Variants in TENM1 observed in about 807,000 individuals in gnomAD.
The protein encoded by TENM1 is teneurin transmembrane protein 1.
Under a neutral mutation model 174.8 loss-of-function variants are expected in TENM1, and 35 were observed. The ratio of observed to expected loss-of-function variants is 0.20; its 90% confidence interval spans 0.15 to 0.27. The LOEUF is 0.27. Ranked by LOEUF, TENM1 falls within the 10% of genes least tolerant of loss-of-function variation. TENM1 has a pLI of 1.00. For synonymous variants in TENM1, 781 were observed against 798.7 expected, an observed-to-expected ratio of 0.98 and a Z score of 0.37; for missense variants, 1,633 against 2,130.1, an observed-to-expected ratio of 0.77 and a Z score of 4.59.
intron 1 of TENM1, among the ~76,000 whole-genome samples, chrX:124,922,414 C>T (rs1283436174): frequency 4.5e-5 from 5 of 111,082 alleles, no homozygotes; most frequent in African/African-American, 1.6e-4. Flanking sequence ...TTTTCGCAGA[C>T]CAGCTTTTGG....
chrX:124,947,006 A>G (rs2058412975), intron 1 of TENM1, among the ~76,000 whole-genome samples: 1 of 111,034 alleles, frequency 9.0e-6, no homozygotes, highest in Non-Finnish European at 1.9e-5. Flanking sequence ...CTTGGAGTAA[A>G]TTGGTTATCA....
chrX:124,919,674 G>C (rs182841178), intron 1 of TENM1, among the ~76,000 whole-genome samples: 24 of 111,308 alleles, frequency 2.2e-4, no homozygotes, highest in South Asian at 3.8e-4. Flanking sequence ...TATTTCTTAA[G>C]CTACATGGTG....
chrX:125,081,789 A>G, the TENM1 span, among the ~76,000 whole-genome samples: 605 of 111,582 alleles, frequency 5.4e-3, 2 homozygotes, highest in African/African-American at 0.018. Context: ...TGGTACATAC[A>G]CACTACGGAA....
chrX:124,513,683 T>G (rs1344859256), intron 18 of TENM1, among the ~76,000 whole-genome samples: 3 of 112,299 alleles, frequency 2.7e-5, no homozygotes, highest in Non-Finnish European at 5.6e-5. Context: ...GGAGTACAAA[T>G]AGACATTTCC....
chrX:124,772,211 C>T (rs1023178768), intron 3 of TENM1, among the ~76,000 whole-genome samples: 15 of 111,019 alleles, frequency 1.4e-4, no homozygotes, highest in East Asian at 2.8e-4. Context: ...TCTCAGCTCA[C>T]TGCAACCTCT....
chrX:124,710,869 GAAAGTCAA>G (rs2053032714), intron 4 of TENM1, among the ~76,000 whole-genome samples: 1 of 112,118 alleles, frequency 8.9e-6, no homozygotes, highest in African/African-American at 3.2e-5. Flanking sequence ...TCCATTGTTG[GAAAGTCAA>G]ACTAGTGCCT....
chrX:124,481,887 C>A (rs1386948524), exon 22 of TENM1: 1 of 1,205,799 alleles, frequency 8.3e-7, no homozygotes, highest in Admixed American at 2.2e-5. Context: ...GTAGACTTTG[C>A]GAGTATTGGT....
intron 11 of TENM1, among the ~76,000 whole-genome samples, chrX:124,568,122 G>A (rs918166681): frequency 2.9e-4 from 33 of 111,887 alleles, no homozygotes; most frequent in African/African-American, 1.0e-3. Context: ...TAAATTGCAT[G>A]TCTTGGCTCA....
At chrX:125,122,445 C>G in the TENM1 span, among the ~76,000 whole-genome samples, 16 of 111,605 alleles carry the variant, frequency 1.4e-4, no homozygotes, top group East Asian at 4.0e-3. Flanking sequence ...GGGAAGCTAT[C>G]AAGGGAATCT....
chrX:124,558,435 A>T, intron 14 of TENM1, among the ~76,000 whole-genome samples: 1 of 111,853 alleles, frequency 8.9e-6, no homozygotes, highest in Admixed American at 9.5e-5. Flanking sequence ...TTACATTTTT[A>T]AAATTAGAAC....
chrX:124,728,313 G>A (rs771909207), intron 4 of TENM1, among the ~76,000 whole-genome samples: 146 of 111,998 alleles, frequency 1.3e-3, no homozygotes, highest in South Asian at 4.2e-3. Flanking sequence ...TTCAGTTCCA[G>A]AATGGTTGTC....
intron 3 of TENM1, among the ~76,000 whole-genome samples, chrX:124,798,459 T>A (rs768073193): frequency 1.8e-5 from 2 of 112,392 alleles, no homozygotes; most frequent in East Asian, 2.8e-4. Context: ...GAGCTTTTTT[T>A]CATATGTTTG....
At chrX:124,660,976 C>A (rs1045919383) in intron 6 of TENM1, among the ~76,000 whole-genome samples, 13 of 112,024 alleles carry the variant, frequency 1.2e-4, no homozygotes, top group Non-Finnish European at 3.8e-5. Context: ...AAGTGAAAAT[C>A]CACAAAAGAT....
intron 11 of TENM1, among the ~76,000 whole-genome samples, chrX:124,622,634 T>C (rs1449835286): frequency 8.9e-6 from 1 of 112,019 alleles, no homozygotes; most frequent in Non-Finnish European, 1.9e-5. Context: ...TCTTTTTGAT[T>C]GCTATATAAT....
chrX:124,874,257 T>G (rs2147489245), intron 3 of TENM1, among the ~76,000 whole-genome samples: 1 of 111,575 alleles, frequency 9.0e-6, no homozygotes, highest in South Asian at 3.7e-4. Flanking sequence ...ATACACATTT[T>G]CCAAAAATGT....
chrX:125,133,728 A>T, the TENM1 span, among the ~76,000 whole-genome samples: 1 of 111,876 alleles, frequency 8.9e-6, no homozygotes, highest in African/African-American at 3.3e-5. Context: ...TACTGTCATC[A>T]AACTAGAGGT....
At chrX:124,635,902 T>C (rs2050866850) in intron 11 of TENM1, among the ~76,000 whole-genome samples, 1 of 112,464 alleles carries the variant, frequency 8.9e-6, no homozygotes, top group African/African-American at 3.2e-5. Context: ...CAAGCTGCTA[T>C]TGTATTCCTC....
At chrX:124,506,959 C>T (rs192821801) in intron 18 of TENM1, among the ~76,000 whole-genome samples, 3 of 111,866 alleles carry the variant, frequency 2.7e-5, no homozygotes, top group Non-Finnish European at 5.6e-5. Flanking sequence ...GACACTATGA[C>T]AGCTGAGCCT....
At chrX:124,953,306 A>T (rs2058518634) in intron 1 of TENM1, among the ~76,000 whole-genome samples, 1 of 112,177 alleles carries the variant, frequency 8.9e-6, no homozygotes, top group South Asian at 3.7e-4. Context: ...AAATCCTATG[A>T]ACTGAAACCC....
Sources: allele counts gnomAD v4.1 joint callset (sites outside exome capture counted in the v4.1 genomes callset), GRCh38; gene constraint gnomAD v4.1.1; transcripts MANE v1.5; gene names NCBI Gene and HGNC (gene_info 2026-07-23, HGNC 2026-07-21).